The following PTPRC variants were observed in gnomAD, a reference collection of about 807,000 sequenced individuals.
The protein encoded by PTPRC is protein tyrosine phosphatase receptor type C.
In PTPRC, 44 loss-of-function variants were observed where a neutral mutation model predicts 155.9. That is an observed-to-expected ratio of 0.28 (90% confidence interval 0.22 to 0.36). PTPRC has a LOEUF of 0.36. Ranked by LOEUF, PTPRC falls within the 10% of genes least tolerant of loss-of-function variation. The pLI is 1.00. For missense variants in PTPRC, 1,401 were observed against 1,564.6 expected, an observed-to-expected ratio of 0.90 and a Z score of 1.76; for synonymous variants, 525 against 533.1, an observed-to-expected ratio of 0.98 and a Z score of 0.21.
chr1:198,642,892 TTTTCTTTCTTTCTTCCTTTCTTTCTTTC>T (rs1386672065), intron 2 of PTPRC, among the ~76,000 whole-genome samples: 2 of 119,096 alleles, frequency 1.7e-5, no homozygotes, highest in Non-Finnish European at 3.6e-5. Flanking sequence ...ATCTTTTTTC[TTTTCTTTCTTTCTTCCTTTCTTTCTTTC>T]TTTCTTTCTT....
intron 25 of PTPRC, 59 bp from the exon 26 acceptor site, chr1:198,743,995 A>C: frequency 6.7e-7 from 1 of 1,494,088 alleles, no homozygotes; most frequent in African/African-American, 1.4e-5. Context: ...TTATTTAAAT[A>C]TGACTTGGAG....
chr1:198,708,014 C>G, intron 9 of PTPRC, 119 bp from the exon 10 acceptor site: 1 of 909,706 alleles, frequency 1.1e-6, no homozygotes, highest in Non-Finnish European at 1.7e-6. Flanking sequence ...CAATCCTTGC[C>G]AAATTCTATG....
At chr1:198,705,772 C>T (rs746253305) in intron 8 of PTPRC, among the ~76,000 whole-genome samples, 1 of 152,112 alleles carries the variant, frequency 6.6e-6, no homozygotes, top group African/African-American at 2.4e-5. Context: ...TGTGGCCACT[C>T]CTGCTCTTCC....
chr1:198,711,470 A>G (rs970527428), intron 11 of PTPRC, among the ~76,000 whole-genome samples: 4 of 152,162 alleles, frequency 2.6e-5, no homozygotes, highest in Non-Finnish European at 5.9e-5. Context: ...CCTCTCAACA[A>G]ACACAAAAAT....
intron 2 of PTPRC, among the ~76,000 whole-genome samples, chr1:198,642,914 T>TTC (rs1662691878): frequency 7.2e-6 from 1 of 138,718 alleles, no homozygotes; most frequent in Non-Finnish European, 1.6e-5. Flanking sequence ...CTTCCTTTCT[T>TTC]TCTTTCTTTC....
At chr1:198,649,862 A>G (rs906527985) in intron 2 of PTPRC, among the ~76,000 whole-genome samples, 3 of 151,928 alleles carry the variant, frequency 2.0e-5, no homozygotes, top group African/African-American at 4.8e-5. Flanking sequence ...ACAAATTGAG[A>G]TAACTTCAGT....
chr1:198,728,684 T>C (rs1654253942), intron 16 of PTPRC, among the ~76,000 whole-genome samples: 1 of 152,166 alleles, frequency 6.6e-6, no homozygotes, highest in Non-Finnish European at 1.5e-5. Context: ...ACTTGTTTAA[T>C]AATAACCAGT....
At chr1:198,640,448 G>A (rs1238642285) in intron 2 of PTPRC, among the ~76,000 whole-genome samples, 2 of 151,858 alleles carry the variant, frequency 1.3e-5, no homozygotes, top group African/African-American at 4.8e-5. Context: ...ATTTGGAGAG[G>A]AAAGAAAGAG....
chr1:198,731,734 T>C lies in PTPRC; in HGVS notation c.1974+8T>C, dbSNP rs749803651. 1 of 1,563,612 alleles carries C rather than the reference T, an allele frequency of 6.4e-7. No individual in the cohort carries two copies. The highest frequency in any genetic ancestry group is 1.1e-5 in the South Asian group (1 of 90,006). The stretch of plus-strand genomic sequence containing the variant: ...TTTCTGGCTGAATTTCAGGTGTGTG[T>C]TGCTTTTGTTATATGATGATAAATT... On this transcript the variant is annotated splice_region_variant and intron_variant, in intron 18 of 32. Coordinates refer to ENST00000442510, the MANE Select transcript of PTPRC (RefSeq NM_002838.5).
chr1:198,719,085 A>G (rs906358567), intron 14 of PTPRC, among the ~76,000 whole-genome samples: 1 of 152,148 alleles, frequency 6.6e-6, no homozygotes, highest in African/African-American at 2.4e-5. Context: ...TTTATGTTTC[A>G]TAAATTCCTA....
At chr1:198,738,063 A>G (rs974170204) in intron 23 of PTPRC, among the ~76,000 whole-genome samples, 1 of 151,664 alleles carries the variant, frequency 6.6e-6, no homozygotes, top group African/African-American at 2.4e-5. Flanking sequence ...TTGGTGGAGT[A>G]TTTAGGTTTT....
chr1:198,749,667 A>G (rs1655293593), intron 28 of PTPRC, 118 bp downstream of exon 28: 3 of 928,348 alleles, frequency 3.2e-6, no homozygotes, highest in South Asian at 3.0e-5. Flanking sequence ...ATAACTACAT[A>G]TAGATTGACA....
chr1:198,643,626 A>G (rs1662768240), intron 2 of PTPRC, among the ~76,000 whole-genome samples: 1 of 151,798 alleles, frequency 6.6e-6, no homozygotes, highest in African/African-American at 2.4e-5. Context: ...CTGACTTCCT[A>G]AAAGTTCATA....
In PTPRC at chr1:198,743,346, T is replaced by C. The variant is rs890310828; in HGVS notation, c.2698-708T>C. 2.0e-5 allele frequency among the ~76,000 whole-genome samples: 3 copies of C among 151,832 alleles called. No individual in the cohort carries two copies. The East Asian group carries it at 5.8e-4, about 30-fold the overall frequency. ...ACATGAAAATGTACAATGCTTGTGA[T>C]TACAGATACATAGATAGCAGTGTAG... On this transcript the variant is annotated intron_variant, in intron 25 of 32. Transcript: ENST00000442510.
At chr1:198,682,715 TCTA>T (rs935982105) in intron 2 of PTPRC, among the ~76,000 whole-genome samples, 1 of 152,196 alleles carries the variant, frequency 6.6e-6, no homozygotes, top group Admixed American at 6.5e-5. Flanking sequence ...TTTTGCATGT[TCTA>T]CTATTTTTCC....
At position 198,699,106 on chromosome 1, in the gene PTPRC, C is replaced by A. The variant is rs542893206; in HGVS notation, c.299-458C>A. Among the ~76,000 whole-genome samples, 336 of 152,310 alleles carry A rather than the reference C, an allele frequency of 2.2e-3. 1 individual carries two copies. Among genetic ancestry groups the A allele is most frequent in the Non-Finnish European group, 3.9e-3 (268 of 68,020 alleles). On this transcript the variant is annotated intron_variant, in intron 4 of 32. Transcript: ENST00000442510. Reference sequence around the variant, plus strand: ...TTAACACTGAACACTTTTTCATATACCTTTTGGCCCTTCTGTATATTAGGT... The same window carrying A: ...TTAACACTGAACACTTTTTCATATAACTTTTGGCCCTTCTGTATATTAGGT...
chr1:198,664,684 C>T (rs1664178187), intron 2 of PTPRC, among the ~76,000 whole-genome samples: 1 of 152,112 alleles, frequency 6.6e-6, no homozygotes, highest in Admixed American at 6.6e-5. Flanking sequence ...ATGTCTACTT[C>T]CTCTTCAGAC....
rs182594198 is a variant in PTPRC at position 198,710,997 on chromosome 1, G to A, written c.1171+1173G>A. Reference sequence around the variant, plus strand: ...GGCCTCCCAAGTAGCTGGGACTACAGGTGCGTGCCACCACGCCCTGCTAAT... The same window carrying A: ...GGCCTCCCAAGTAGCTGGGACTACAAGTGCGTGCCACCACGCCCTGCTAAT... On this transcript the variant is annotated intron_variant, in intron 11 of 32. Coordinates refer to ENST00000442510, the MANE Select transcript of PTPRC (RefSeq NM_002838.5). 9.2e-5 allele frequency among the ~76,000 whole-genome samples: 14 copies of A among 152,274 alleles called. No homozygotes were observed. The East Asian group carries it at 2.3e-3, about 25-fold the overall frequency.
chr1:198,706,734 A>G lies in PTPRC; in HGVS notation c.686A>G (p.Asp229Gly), dbSNP rs1652992153. 3 of 1,606,810 alleles carry G rather than the reference A, an allele frequency of 1.9e-6. No individual in the cohort carries two copies. Among genetic ancestry groups the G allele is most frequent in the Middle Eastern group, 4.1e-4 (2 of 4,838 alleles). ...CACTCAATGTTCTATTTTCTTTTAGATGAAAAATATGCAAACATCACTGTG... is the reference window on the plus strand; with the variant it reads ...CACTCAATGTTCTATTTTCTTTTAGGTGAAAAATATGCAAACATCACTGTG... ...IATTPSKPTC[D>G]EKYANITVDY... Residue 229 changes from aspartate to glycine, a missense_variant and splice_region_variant, in exon 9 of 33, where the codon GAT (aspartate) becomes GGT (glycine). Asp to Gly is a moderately conservative substitution (Grantham distance 94, BLOSUM62 -1). Coordinates refer to ENST00000442510, the MANE Select transcript of PTPRC (RefSeq NM_002838.5).
Sources: allele counts gnomAD v4.1 joint callset (sites outside exome capture counted in the v4.1 genomes callset), GRCh38; gene constraint gnomAD v4.1.1; transcripts MANE v1.5; gene names NCBI Gene and HGNC (gene_info 2026-07-23, HGNC 2026-07-21).